AP1G1: variants seen among roughly 807,000 people sequenced by gnomAD.
The protein encoded by AP1G1 is AP-1 complex subunit gamma-1.
AP1G1 carries 7 observed loss-of-function variants against 108.3 expected under a neutral mutation model. The ratio of observed to expected loss-of-function variants is 0.06; its 90% CI spans 0.04 to 0.12. The LOEUF is 0.12. Among genes scored for constraint, AP1G1 ranks in the 10% least tolerant of loss-of-function variants. The pLI is 1.00. For missense variants in AP1G1, 756 were observed against 1,010.7 expected, an observed-to-expected ratio of 0.75 and a Z score of 3.42; for synonymous variants, 379 against 353.5, an observed-to-expected ratio of 1.07 and a Z score of -0.81.
chr16:71,794,866 C>CTTTTTTTTTTTTTTTTTTTTTTTTTTTT (rs2032528877), intron 1 of AP1G1, among the ~76,000 whole-genome samples: 41 of 46,626 alleles, frequency 8.8e-4, no homozygotes, highest in African/African-American at 1.5e-3. Context: ...TTTTTTTTTA[C>CTTTTTTTTTTTTTTTTTTTTTTTTTTTT]TTTGAAATGC....
intron 9 of AP1G1, among the ~76,000 whole-genome samples, chr16:71,762,308 G>C (rs1321625707): frequency 2.0e-5 from 3 of 152,092 alleles, no homozygotes; most frequent in Admixed American, 6.5e-5. Flanking sequence ...CTGTGATATG[G>C]TGAAATACAT....
intron 6 of AP1G1, 144 bp downstream of exon 6, chr16:71,769,479 A>G: frequency 1.3e-6 from 1 of 759,340 alleles, no homozygotes; most frequent in Non-Finnish European, 2.3e-6. Context: ...TCTGGCTTCC[A>G]GGCCAATTGC....
At chr16:71,745,022 G>A (rs2030098141) in intron 19 of AP1G1, 122 bp downstream of exon 19, 1 of 1,027,438 alleles carries the variant, frequency 9.7e-7, no homozygotes, top group African/African-American at 1.6e-5. Flanking sequence ...TTTGACTCTT[G>A]CTTCTGATTT....
At chr16:71,733,619 G>C (rs1373231698) in intron 22 of AP1G1, among the ~76,000 whole-genome samples, 1 of 152,068 alleles carries the variant, frequency 6.6e-6, no homozygotes, top group Non-Finnish European at 1.5e-5. Flanking sequence ...ACCCACCTCA[G>C]CCTCCTAAAA....
intron 1 of AP1G1, among the ~76,000 whole-genome samples, chr16:71,803,328 T>G (rs1391611117): frequency 6.6e-6 from 1 of 152,190 alleles, no homozygotes; most frequent in Non-Finnish European, 1.5e-5. Context: ...CCTACTTAAT[T>G]TGTTGCCAAC....
intron 1 of AP1G1, chr16:71,808,174 C>T: frequency 9.0e-7 from 1 of 1,117,026 alleles, no homozygotes; most frequent in Non-Finnish European, 1.1e-6. Flanking sequence ...AAACAGTATA[C>T]TCGCAGGTAG....
chr16:71,808,394 G>A, intron 1 of AP1G1: 3 of 982,584 alleles, frequency 3.1e-6, no homozygotes, highest in South Asian at 1.6e-5. Context: ...CTGATACGTG[G>A]CTCAGAGAAG....
At chr16:71,774,672 T>A in intron 2 of AP1G1, 80 bp from the exon 3 acceptor site, 1 of 1,432,722 alleles carries the variant, frequency 7.0e-7, no homozygotes, top group Middle Eastern at 1.9e-4. Context: ...TAACCCAGAG[T>A]CCCCAGCTGG....
In AP1G1 at chr16:71,797,821, C is replaced by T. The variant is rs11645235; in HGVS notation, c.-3-8339G>A. 1.9e-3 allele frequency among the ~76,000 whole-genome samples: 287 copies of T among 152,014 alleles called. 1 individual carries two copies. Among genetic ancestry groups the T allele is most frequent in the Admixed American group, 2.5e-3 (38 of 15,246 alleles). Reference sequence around the variant, plus strand: ...CTCAAAAAAAAAAAGTTACTTAATACTAAGATGACAAATTTTCCCTAGCAT... The same window carrying T: ...CTCAAAAAAAAAAAGTTACTTAATATTAAGATGACAAATTTTCCCTAGCAT... On this transcript the variant is annotated intron_variant, in intron 1 of 22. Coordinates refer to ENST00000299980, the MANE Select transcript of AP1G1 (RefSeq NM_001128.6).
At chr16:71,785,575 CAAAAA>C (rs71389702) in intron 2 of AP1G1, among the ~76,000 whole-genome samples, 3 of 73,128 alleles carry the variant, frequency 4.1e-5, no homozygotes, top group Non-Finnish European at 5.1e-5. Flanking sequence ...AACCCTGCCT[CAAAAA>C]AAAAAAAAAA....
chr16:71,788,035 G>C (rs1004260773), intron 2 of AP1G1, among the ~76,000 whole-genome samples: 3 of 151,944 alleles, frequency 2.0e-5, no homozygotes, highest in South Asian at 4.2e-4. Context: ...GAAATTAATG[G>C]ACTCCCACTC....
chr16:71,737,934 T>C (rs975139953), intron 21 of AP1G1, among the ~76,000 whole-genome samples: 1 of 152,278 alleles, frequency 6.6e-6, no homozygotes, highest in African/African-American at 2.4e-5. Context: ...TTCTGTACTA[T>C]AAGAGCAGAA....
chr16:71,763,929 G>C (rs1258141044), intron 9 of AP1G1, among the ~76,000 whole-genome samples: 2 of 152,066 alleles, frequency 1.3e-5, no homozygotes, highest in African/African-American at 4.8e-5. Flanking sequence ...AATTGTTGTG[G>C]GCCAGATCCT....
chr16:71,754,536 C>G (rs1389240357), intron 12 of AP1G1, among the ~76,000 whole-genome samples: 1 of 152,154 alleles, frequency 6.6e-6, no homozygotes, highest in Non-Finnish European at 1.5e-5. Context: ...GTGGCTCATG[C>G]CTATAATCCC....
At chr16:71,778,214 T>C (rs1334747986) in intron 2 of AP1G1, among the ~76,000 whole-genome samples, 1 of 152,192 alleles carries the variant, frequency 6.6e-6, no homozygotes, top group Non-Finnish European at 1.5e-5. Flanking sequence ...ATAGTGACTC[T>C]GCTTCAAAAA....
At chr16:71,797,366 C>A (rs1409182477) in intron 1 of AP1G1, among the ~76,000 whole-genome samples, 1 of 151,974 alleles carries the variant, frequency 6.6e-6, no homozygotes, top group East Asian at 1.9e-4. Flanking sequence ...ATAAAACTTG[C>A]TTTGAAAAAA....
chr16:71,782,423 C>T (rs1303425630), intron 2 of AP1G1, among the ~76,000 whole-genome samples: 1 of 151,936 alleles, frequency 6.6e-6, no homozygotes, highest in East Asian at 1.9e-4. Flanking sequence ...CTCAGCCTCA[C>T]AAAAGACTGA....
At chr16:71,787,401 G>A (rs557846923) in intron 2 of AP1G1, among the ~76,000 whole-genome samples, 1 of 151,706 alleles carries the variant, frequency 6.6e-6, no homozygotes, top group South Asian at 2.1e-4. Flanking sequence ...GGCTGAGGTA[G>A]GAGAACTTGA....
chr16:71,756,288 C>T, intron 11 of AP1G1, 129 bp from the exon 12 acceptor site: 1 of 702,870 alleles, frequency 1.4e-6, no homozygotes, highest in Non-Finnish European at 2.2e-6. Flanking sequence ...TCTTGTGATC[C>T]CAATCTTTGC....
Sources: allele counts gnomAD v4.1 joint callset (sites outside exome capture counted in the v4.1 genomes callset), GRCh38; gene constraint gnomAD v4.1.1; transcripts MANE v1.5; gene names NCBI Gene and HGNC (gene_info 2026-07-23, HGNC 2026-07-21).